Variants in PHACTR1 observed in about 807,000 individuals in gnomAD.
PHACTR1 encodes RPEL repeat containing 1.
Under a neutral mutation model 69.2 loss-of-function variants are expected in PHACTR1, and 16 were observed. The ratio of observed to expected loss-of-function variants is 0.23; its 90% CI spans 0.16 to 0.35. PHACTR1 has a LOEUF of 0.35. PHACTR1 is among the 10% of genes least tolerant of loss of function. The pLI, the probability that PHACTR1 is intolerant of heterozygous loss-of-function variation, is 1.00. For synonymous variants in PHACTR1, 312 were observed against 284.5 expected (o/e 1.10, Z -0.97); for missense variants, 510 against 734.7 (o/e 0.69, Z 3.54).
At chr6:12,903,525 T>G (rs1785414620) in intron 4 of PHACTR1, among the ~76,000 whole-genome samples, 1 of 152,254 alleles carries the variant, frequency 6.6e-6, no homozygotes, top group South Asian at 2.1e-4. Context: ...TCTTTCCTAT[T>G]TAAGAATGAG....
At chr6:12,786,269 G>A (rs1004950588) in intron 4 of PHACTR1, among the ~76,000 whole-genome samples, 3 of 152,200 alleles carry the variant, frequency 2.0e-5, no homozygotes, top group Middle Eastern at 3.4e-3. Context: ...CTTTTATCTC[G>A]TGTTTCTTGC....
intron 5 of PHACTR1, among the ~76,000 whole-genome samples, chr6:13,152,308 T>G (rs975516678): frequency 8.6e-5 from 13 of 151,380 alleles, no homozygotes; most frequent in Non-Finnish European, 1.8e-4. Context: ...CACTCCAGCC[T>G]GGGCAACAGA....
In PHACTR1 at chr6:12,978,430, C is replaced by T. The variant is rs138860138; in HGVS notation, c.251-74935C>T. ...GCCACTCATGCTGTCTGCCGTTCCA[C>T]GCAGTCAGGGCTCGCCTACCTCCAT... On this transcript the variant is annotated intron_variant, in intron 4 of 14. Transcript: ENST00000332995. Among the ~76,000 whole-genome samples the T allele has an allele frequency of 2.3e-3, 352 of 152,346 alleles. 1 individual carries two copies. The highest frequency in any genetic ancestry group is 7.9e-3 in the African/African-American group (327 of 41,582).
At chr6:12,780,259 G>C (rs1470350465) in intron 4 of PHACTR1, among the ~76,000 whole-genome samples, 82 of 127,758 alleles carry the variant, frequency 6.4e-4, no homozygotes, top group South Asian at 1.9e-3. Context: ...CTGTGTGTGT[G>C]TGTGTGTGTG....
At chr6:12,829,363 T>A (rs143333886) in intron 4 of PHACTR1, among the ~76,000 whole-genome samples, 1 of 152,318 alleles carries the variant, frequency 6.6e-6, no homozygotes, top group African/African-American at 2.4e-5. Flanking sequence ...CTTGAGGAAC[T>A]CTTAGGTTTC....
At chr6:12,830,681 C>G (rs1777461591) in intron 4 of PHACTR1, among the ~76,000 whole-genome samples, 1 of 152,118 alleles carries the variant, frequency 6.6e-6, no homozygotes, top group Admixed American at 6.5e-5. Context: ...CCTCCATCTC[C>G]CGGGTTCAAG....
At chr6:12,857,558 G>A (rs1051801564) in intron 4 of PHACTR1, among the ~76,000 whole-genome samples, 7 of 151,130 alleles carry the variant, frequency 4.6e-5, no homozygotes, top group African/African-American at 7.3e-5. Flanking sequence ...AGCTGAGATC[G>A]CGCTACTGCA....
At chr6:12,798,826 T>A (rs1304083696) in intron 4 of PHACTR1, among the ~76,000 whole-genome samples, 1 of 152,262 alleles carries the variant, frequency 6.6e-6, no homozygotes, top group Non-Finnish European at 1.5e-5. Flanking sequence ...TAAATTCATA[T>A]GGTTTCAAAA....
chr6:13,049,377 G>T (rs1168614161), intron 4 of PHACTR1, among the ~76,000 whole-genome samples: 2 of 152,150 alleles, frequency 1.3e-5, no homozygotes, highest in East Asian at 3.8e-4. Flanking sequence ...ACTATGAGAA[G>T]CAAACTCAGT....
intron 4 of PHACTR1, among the ~76,000 whole-genome samples, chr6:12,887,797 G>A (rs141903098): frequency 5.1e-4 from 78 of 152,074 alleles, no homozygotes; most frequent in African/African-American, 1.8e-3. Context: ...GGCCAGGCAC[G>A]GTGTCTCACA....
In PHACTR1 at chr6:13,272,779, G is replaced by A. The variant is rs980276528; in HGVS notation, c.1392-81G>A. 1.9e-6 allele frequency: 3 copies of A among 1,613,794 alleles called. No homozygotes were observed. The African/African-American group carries it at 4.0e-5, about 22-fold the overall frequency. On this transcript the variant is annotated intron_variant, in intron 10 of 14. Coordinates refer to ENST00000332995, the MANE Select transcript of PHACTR1 (RefSeq NM_030948.6). ...GAACTCCAGCCACTGACTGTCTCAT[G>A]TATCTGCAAGGGCCGAGGAAATTAA...
chr6:12,838,809 G>A (rs1211382801), intron 4 of PHACTR1, among the ~76,000 whole-genome samples: 3 of 152,098 alleles, frequency 2.0e-5, no homozygotes, highest in Non-Finnish European at 4.4e-5. Flanking sequence ...AAGCAGAATG[G>A]CATTAATGCA....
rs10529531 is a variant in PHACTR1 at position 12,798,039 on chromosome 6, G to GACAC, written c.250+48276_250+48279dup. ...ACTGTCAATGTCTCATCATTTCCTA[G>GACAC]ACACACACACACACACACACACACA... On this transcript the variant is annotated intron_variant, in intron 4 of 14. Coordinates refer to ENST00000332995, the MANE Select transcript of PHACTR1 (RefSeq NM_030948.6). 1.2e-3 allele frequency among the ~76,000 whole-genome samples: 159 copies of GACAC among 137,872 alleles called. 1 individual carries two copies. Among genetic ancestry groups the GACAC allele is most frequent in the African/African-American group, 4.0e-3 (142 of 35,814 alleles). 90.4% of individuals were successfully genotyped at this position (137,872 alleles called of 152,430 possible).
rs372733107 is a variant in PHACTR1, at chr6:13,283,439, G to A, written c.1527G>A (p.Thr509=). ...CCCTGCAGCTCAGTCAAAGGCCCAC[G>A]GTGGAAGAGCTTCGGGAAAGAAAGA... is the stretch of plus-strand genomic sequence containing the variant. ...RLTRKLSQRP[T]VEELRERKIL... Residue 509 remains threonine, a synonymous_variant, in exon 13 of 15, where the codon ACG becomes ACA. Coordinates refer to ENST00000332995, the MANE Select transcript of PHACTR1 (RefSeq NM_030948.6). The surrounding 1 kb of genome is among the most constrained non-coding windows in gnomAD (Gnocchi z 4.7). 35 of 1,613,578 alleles carry A rather than the reference G, an allele frequency of 2.2e-5. No individual in the cohort carries two copies. Among genetic ancestry groups the A allele is most frequent in the Middle Eastern group, 1.6e-4 (1 of 6,078 alleles).
intron 5 of PHACTR1, among the ~76,000 whole-genome samples, chr6:13,053,738 T>C (rs183910765): frequency 5.3e-5 from 8 of 152,352 alleles, no homozygotes; most frequent in Admixed American, 3.9e-4. Context: ...ATTTTTTGTT[T>C]GTTTTTAAAC....
intron 8 of PHACTR1, 51 bp downstream of exon 8, chr6:13,206,187 A>AG (rs1404868939): frequency 2.1e-6 from 3 of 1,452,160 alleles, no homozygotes; most frequent in East Asian, 5.0e-5. Context: ...TTGGCTGGGG[A>AG]GGGGGGCCTA....
chr6:12,749,132 A>G (rs949085250), intron 3 of PHACTR1, among the ~76,000 whole-genome samples: 1 of 152,240 alleles, frequency 6.6e-6, no homozygotes, highest in African/African-American at 2.4e-5. Context: ...CGGGCGCGGC[A>G]CGCTCACATA....
At chr6:12,999,368 G>C (rs538113736) in intron 4 of PHACTR1, among the ~76,000 whole-genome samples, 34 of 152,338 alleles carry the variant, frequency 2.2e-4, no homozygotes, top group Non-Finnish European at 4.3e-4. Context: ...GGGAGGCCAG[G>C]GTGGGTGGAT....
In PHACTR1 at chr6:12,898,879, G is replaced by C. The variant is rs1016115025; in HGVS notation, c.250+149089G>C. 2.0e-5 allele frequency among the ~76,000 whole-genome samples: 3 copies of C among 152,180 alleles called. No individual in the cohort carries two copies. The South Asian group carries it at 6.2e-4, about 31-fold the overall frequency. On this transcript the variant is annotated intron_variant, in intron 4 of 14. Transcript: ENST00000332995. The stretch of plus-strand genomic sequence containing the variant: ...CTCCCCTGCACCGCACTGCAGCCCT[G>C]TTCCCAGTACTTGCAGTTCCTTCAA...
Sources: allele counts gnomAD v4.1 joint callset (sites outside exome capture counted in the v4.1 genomes callset), GRCh38; gene constraint gnomAD v4.1.1; non-coding constraint Gnocchi (gnomAD v3.1); transcripts MANE v1.5; gene names NCBI Gene and HGNC (gene_info 2026-07-23, HGNC 2026-07-21).